Variants in FNDC3B observed in about 807,000 individuals in gnomAD.
The protein encoded by FNDC3B is fibronectin type III domain containing 3B.
Under a neutral mutation model 151.5 loss-of-function variants are expected in FNDC3B, and 12 were observed. That is an observed-to-expected ratio of 0.08 (90% CI 0.05 to 0.13). The LOEUF (loss-of-function observed/expected upper bound fraction) is 0.13, where lower values mean the gene tolerates loss of function less well. FNDC3B is among the 10% of genes least tolerant of loss of function. FNDC3B has a pLI of 1.00. For synonymous variants in FNDC3B, 528 were observed against 549.0 expected (o/e 0.96, Z 0.54); for missense variants, 1,214 against 1,505.3 (o/e 0.81, Z 3.20).
chr3:172,319,471 C>G (rs1229224452), intron 11 of FNDC3B, among the ~76,000 whole-genome samples: 1 of 152,194 alleles, frequency 6.6e-6, no homozygotes, highest in East Asian at 1.9e-4. Flanking sequence ...TTCAGGCAGC[C>G]AAGCCTCCCC....
intron 3 of FNDC3B, among the ~76,000 whole-genome samples, chr3:172,210,736 A>C (rs1725694465): frequency 6.6e-6 from 1 of 152,262 alleles, no homozygotes; most frequent in African/African-American, 2.4e-5. Flanking sequence ...GCACATGAAT[A>C]TGCAAACAGG....
At chr3:172,249,314 A>C (rs1264442679) in intron 5 of FNDC3B, among the ~76,000 whole-genome samples, 1 of 152,206 alleles carries the variant, frequency 6.6e-6, no homozygotes, top group Non-Finnish European at 1.5e-5. Flanking sequence ...TGTCCTTTGC[A>C]ATTTTAGGCA....
chr3:172,168,827 C>T (rs772860545), intron 3 of FNDC3B, among the ~76,000 whole-genome samples: 1 of 150,646 alleles, frequency 6.6e-6, no homozygotes, highest in Non-Finnish European at 1.5e-5. Flanking sequence ...ATTCTCCTGT[C>T]TCAGCCTCCC....
At chr3:172,307,256 G>T (rs1048741100) in intron 9 of FNDC3B, 107 bp from the exon 10 acceptor site, 2 of 1,165,178 alleles carry the variant, frequency 1.7e-6, no homozygotes, top group East Asian at 2.3e-5. Flanking sequence ...TACTCACTCC[G>T]TAAGAAATTC....
chr3:172,380,105 T>C (rs1735361000), intron 24 of FNDC3B, among the ~76,000 whole-genome samples: 1 of 151,840 alleles, frequency 6.6e-6, no homozygotes, highest in Admixed American at 6.6e-5. Flanking sequence ...ATTATTTTTC[T>C]GAAACAATAA....
chr3:172,145,811 C>CTTTTTTTTT (rs34361134), intron 3 of FNDC3B, among the ~76,000 whole-genome samples: 1 of 114,176 alleles, frequency 8.8e-6, no homozygotes, highest in African/African-American at 3.5e-5. Flanking sequence ...AGGTTTCTTT[C>CTTTTTTTTT]TTTTTTTTTT....
intron 4 of FNDC3B, among the ~76,000 whole-genome samples, chr3:172,239,095 T>A (rs985578190): frequency 6.6e-6 from 1 of 152,166 alleles, no homozygotes; most frequent in African/African-American, 2.4e-5. Context: ...ATTCATTTAC[T>A]CATTTAACCA....
chr3:172,297,690 G>A (rs1187061329), intron 8 of FNDC3B, among the ~76,000 whole-genome samples: 2 of 152,172 alleles, frequency 1.3e-5, no homozygotes, highest in Middle Eastern at 3.4e-3. Flanking sequence ...TAGCCAGGAT[G>A]GTCTCGATCT....
At chr3:172,157,740 C>G (rs1722565606) in intron 3 of FNDC3B, among the ~76,000 whole-genome samples, 1 of 152,168 alleles carries the variant, frequency 6.6e-6, no homozygotes, top group African/African-American at 2.4e-5. Context: ...TATTGCTGAG[C>G]AGGATTTCAT....
chr3:172,286,856 T>C (rs1730046309), intron 7 of FNDC3B, among the ~76,000 whole-genome samples: 1 of 151,888 alleles, frequency 6.6e-6, no homozygotes, highest in Admixed American at 6.6e-5. Flanking sequence ...GGTGGATGAG[T>C]TGGAGTGAGA....
intron 25 of FNDC3B, among the ~76,000 whole-genome samples, chr3:172,394,893 T>C (rs1043145611): frequency 1.3e-5 from 2 of 152,166 alleles, no homozygotes; most frequent in Non-Finnish European, 2.9e-5. Context: ...TCATCCACCA[T>C]GATCAAGTAG....
intron 1 of FNDC3B, among the ~76,000 whole-genome samples, chr3:172,058,771 T>C (rs1330228933): frequency 6.6e-6 from 1 of 152,224 alleles, no homozygotes; most frequent in Non-Finnish European, 1.5e-5. Context: ...AATGGATCTG[T>C]AGTTTCTATT....
chr3:172,101,693 T>C (rs1002164540), intron 1 of FNDC3B, among the ~76,000 whole-genome samples: 1 of 152,234 alleles, frequency 6.6e-6, no homozygotes, highest in Non-Finnish European at 1.5e-5. Flanking sequence ...ATCAATAACT[T>C]GCTGCCCTTT....
chr3:172,314,241 T>C (rs1731667281), intron 11 of FNDC3B, among the ~76,000 whole-genome samples: 1 of 151,960 alleles, frequency 6.6e-6, no homozygotes, highest in Non-Finnish European at 1.5e-5. Context: ...TCCTCTCCTC[T>C]TCAAGGATAT....
At chr3:172,130,573 G>A (rs139507956) in intron 2 of FNDC3B, among the ~76,000 whole-genome samples, 70 of 152,272 alleles carry the variant, frequency 4.6e-4, no homozygotes, top group Non-Finnish European at 7.4e-4. Flanking sequence ...CCTCTGCGTC[G>A]TTCTTTGAAG....
At chr3:172,193,841 G>T (rs1724686638) in intron 3 of FNDC3B, among the ~76,000 whole-genome samples, 1 of 152,146 alleles carries the variant, frequency 6.6e-6, no homozygotes, top group Non-Finnish European at 1.5e-5. Context: ...AATAACTAAA[G>T]TGTTCACACT....
At chr3:172,065,342 A>T (rs1009473922) in intron 1 of FNDC3B, among the ~76,000 whole-genome samples, 3 of 152,146 alleles carry the variant, frequency 2.0e-5, no homozygotes, top group African/African-American at 7.2e-5. Context: ...AAAAGAAAAA[A>T]AATTTTTGGT....
Position 172,332,793 on chromosome 3 carries a change from C to A in FNDC3B, c.1555-296C>A, listed in dbSNP as rs1732747588. ...AGACCTCGGTGCAAAGGGCTTTTTT[C>A]ATGACAACATTAAAAATGTTAAATG... On this transcript the variant is annotated intron_variant, in intron 13 of 25. Coordinates refer to ENST00000415807, the MANE Select transcript of FNDC3B (RefSeq NM_022763.4). Among the ~76,000 whole-genome samples, 3 of 152,152 alleles carry A rather than the reference C, an allele frequency of 2.0e-5. No individual in the cohort carries two copies. In the South Asian group the frequency reaches 6.2e-4, roughly 32 times the overall value.
rs528689073 is a variant in FNDC3B at position 172,323,005 on chromosome 3, A to G, written c.1255-5947A>G. 2.0e-5 allele frequency among the ~76,000 whole-genome samples: 3 copies of G among 151,104 alleles called. No homozygotes were observed. The East Asian group carries it at 5.8e-4, about 29-fold the overall frequency. ...ATTCTGTTCCCTCAGGTGACTCATGATAGTGCAGCAAAGTGTTTTAGTTTT... is the reference window on the plus strand; with the variant it reads ...ATTCTGTTCCCTCAGGTGACTCATGGTAGTGCAGCAAAGTGTTTTAGTTTT... On this transcript the variant is annotated intron_variant, in intron 11 of 25. Coordinates refer to ENST00000415807, the MANE Select transcript of FNDC3B (RefSeq NM_022763.4).
Sources: gnomAD v4.1 joint callset for allele counts (sites outside exome capture counted in the v4.1 genomes callset) on GRCh38, gnomAD v4.1.1 for gene constraint, MANE v1.5 for transcripts, NCBI Gene and HGNC (gene_info 2026-07-23, HGNC 2026-07-21) for gene names.